GPAT4: variants seen among roughly 807,000 people sequenced by gnomAD.
GPAT4 encodes glycerol-3-phosphate acyltransferase 4.
A neutral mutation model predicts 58.0 loss-of-function variants in GPAT4; 17 were observed. That is an observed-to-expected ratio of 0.29 (90% CI 0.20 to 0.44). The LOEUF (loss-of-function observed/expected upper bound fraction) is 0.44, where lower values mean the gene tolerates loss of function less well. Among genes scored for constraint, GPAT4 ranks in the 20% least tolerant of loss-of-function variants. The pLI, the probability that GPAT4 is intolerant of heterozygous loss-of-function variation, is 1.00. For missense variants in GPAT4, 377 were observed against 574.5 expected (o/e 0.66, Z 3.51); for synonymous variants, 204 against 210.1 (o/e 0.97, Z 0.25).
intron 10 of GPAT4, among the ~76,000 whole-genome samples, chr8:41,618,275 G>A (rs1231259757): frequency 6.6e-6 from 1 of 152,186 alleles, no homozygotes; most frequent in African/African-American, 2.4e-5. Context: ...GATGCTGAGA[G>A]GGGACAGGTG....
intron 1 of GPAT4, among the ~76,000 whole-genome samples, chr8:41,592,499 T>A (rs924666316): frequency 6.6e-6 from 1 of 152,164 alleles, no homozygotes; most frequent in Non-Finnish European, 1.5e-5. Flanking sequence ...AAATTGAGGC[T>A]TTTAGGACCC....
intron 12 of GPAT4, among the ~76,000 whole-genome samples, chr8:41,620,596 A>G (rs538588764): frequency 2.0e-5 from 3 of 152,280 alleles, no homozygotes; most frequent in East Asian, 3.9e-4. Flanking sequence ...GTGAAGATGA[A>G]TGTTAGAGTA....
intron 1 of GPAT4, among the ~76,000 whole-genome samples, chr8:41,588,262 C>G (rs1355915112): frequency 6.6e-6 from 1 of 151,952 alleles, no homozygotes; most frequent in Non-Finnish European, 1.5e-5. Flanking sequence ...TTTCTTTTAC[C>G]TTTTGAGTTG....
chr8:41,599,505 G>C (rs1803024905), intron 2 of GPAT4, among the ~76,000 whole-genome samples: 1 of 152,186 alleles, frequency 6.6e-6, no homozygotes, highest in African/African-American at 2.4e-5. Context: ...CCGAGCCGAG[G>C]GACCTATACC....
intron 1 of GPAT4, among the ~76,000 whole-genome samples, chr8:41,583,880 A>G (rs1455911204): frequency 6.6e-6 from 1 of 152,132 alleles, no homozygotes; most frequent in Non-Finnish European, 1.5e-5. Context: ...GCTGTCACGA[A>G]TTTGTGCGCT....
intron 4 of GPAT4, chr8:41,610,376 G>T: frequency 8.1e-7 from 1 of 1,228,030 alleles, no homozygotes; most frequent in Non-Finnish European, 1.0e-6. Context: ...TCCACCTCCT[G>T]TTGCTTCAGA....
At chr8:41,584,845 A>C (rs528943472) in intron 1 of GPAT4, 1 of 152,258 alleles carries the variant, frequency 6.6e-6, no homozygotes, top group East Asian at 1.9e-4. Context: ...GTTCTAACTC[A>C]AGAAAGTTCT....
chr8:41,600,317 C>T (rs1183818613), intron 2 of GPAT4, among the ~76,000 whole-genome samples: 1 of 152,148 alleles, frequency 6.6e-6, no homozygotes, highest in African/African-American at 2.4e-5. Context: ...GCTGGGATTA[C>T]AGGCCTGAGC....
At chr8:41,597,915 G>A (rs571399547) in intron 1 of GPAT4, among the ~76,000 whole-genome samples, 20 of 152,358 alleles carry the variant, frequency 1.3e-4, no homozygotes, top group African/African-American at 4.8e-4. Flanking sequence ...GAATACAAAG[G>A]TGGTTACAAC....
intron 2 of GPAT4, among the ~76,000 whole-genome samples, chr8:41,603,761 C>T (rs1016978220): frequency 1.3e-5 from 2 of 152,096 alleles, no homozygotes; most frequent in African/African-American, 4.8e-5. Flanking sequence ...CCCCTGGACC[C>T]CAGCTACCAT....
rs1387983753 is a variant in GPAT4 at position 41,621,303 on chromosome 8, G to A, written c.*302G>A. 5.5e-6 allele frequency: 2 copies of A among 364,632 alleles called. No homozygotes were observed. The highest frequency in any genetic ancestry group is 6.7e-5 in the South Asian group (2 of 29,676). 22.6% of individuals were successfully genotyped at this position (364,632 alleles called of 1,614,324 possible). On this transcript the variant is annotated 3_prime_UTR_variant, in exon 13 of 13. Transcript: ENST00000396987. ...AGTGAACTCCCCACCTTTGCACGCT[G>A]TGCGGGCTGAGTGGTTGGGGAGATG...
chr8:41,583,317 GT>G (rs925130788), intron 1 of GPAT4, among the ~76,000 whole-genome samples: 6 of 149,246 alleles, frequency 4.0e-5, no homozygotes, highest in East Asian at 1.9e-4. Flanking sequence ...TTCCATTTAA[GT>G]TTTTTTTTTC....
At chr8:41,618,652 A>T in intron 10 of GPAT4, 32 bp from the exon 11 acceptor site, 1 of 1,612,676 alleles carries the variant, frequency 6.2e-7, no homozygotes, top group Non-Finnish European at 8.5e-7. Flanking sequence ...AGAACTACTC[A>T]TGTCTTACCT....
intron 1 of GPAT4, among the ~76,000 whole-genome samples, chr8:41,592,766 A>G (rs1291185677): frequency 6.6e-6 from 1 of 152,174 alleles, no homozygotes; most frequent in Non-Finnish European, 1.5e-5. Context: ...GAGTGTTTGT[A>G]AACTTCTTCT....
At chr8:41,582,472 CACACAT>C (rs150656310) in intron 1 of GPAT4, among the ~76,000 whole-genome samples, 20,195 of 150,890 alleles carry the variant, frequency 0.13, 1,428 homozygotes, top group Middle Eastern at 0.19. Context: ...CACACACACA[CACACAT>C]CTTTCTTTCT....
rs916346064 is a variant in GPAT4, at chr8:41,614,959, T to G, written c.968-4T>G. ...ATAGCATTTTATTGTCTCCTGCATT[T>G]TAGGAACCTGCATCAATAATACATC... On this transcript the variant is annotated splice_region_variant and splice_polypyrimidine_tract_variant and intron_variant, in intron 9 of 12. Coordinates refer to ENST00000396987, the MANE Select transcript of GPAT4 (RefSeq NM_178819.4). The G allele has an allele frequency of 6.2e-6, 10 of 1,613,354 alleles. No homozygotes were observed. In the Admixed American group the frequency reaches 1.5e-4, roughly 24 times the overall value.
chr8:41,599,003 TGTGGACTTTGGA>T lies in GPAT4; in HGVS notation c.-136_-125del. ...GCCTTCTATTCAGGCGGTTGAAGGGTGTGGACTTTGGAATGGGGTTTGCTGTTCTTCGGGAAC... is the reference window on the plus strand; with the variant it reads ...GCCTTCTATTCAGGCGGTTGAAGGGTATGGGGTTTGCTGTTCTTCGGGAAC... On this transcript the variant is annotated 5_prime_UTR_variant, in exon 2 of 13. Transcript: ENST00000396987. 1 of 1,170,104 alleles carries T rather than the reference TGTGGACTTTGGA, an allele frequency of 8.5e-7. No homozygotes were observed. Among genetic ancestry groups the T allele is most frequent in the Non-Finnish European group, 1.2e-6 (1 of 829,848 alleles). 72.5% of individuals were successfully genotyped at this position (1,170,104 alleles called of 1,614,324 possible).
intron 1 of GPAT4, among the ~76,000 whole-genome samples, chr8:41,582,471 A>C (rs1802543386): frequency 6.8e-6 from 1 of 147,074 alleles, no homozygotes; most frequent in Admixed American, 6.8e-5. Flanking sequence ...ACACACACAC[A>C]CACACATCTT....
intron 12 of GPAT4, 95 bp from the exon 13 acceptor site, chr8:41,620,798 T>C: frequency 6.6e-7 from 1 of 1,505,604 alleles, no homozygotes; most frequent in Non-Finnish European, 8.9e-7. Context: ...TGGCAGGTTT[T>C]TCTTGGTGTT....
Sources: gnomAD v4.1 joint callset for allele counts (sites outside exome capture counted in the v4.1 genomes callset) on GRCh38, gnomAD v4.1.1 for gene constraint, MANE v1.5 for transcripts, NCBI Gene and HGNC (gene_info 2026-07-23, HGNC 2026-07-21) for gene names.